Variants in NRDE2 observed in about 807,000 individuals in gnomAD.
The protein encoded by NRDE2 is NRDE-2, necessary for RNA interference, domain containing.
In NRDE2, 76 loss-of-function variants were observed where a neutral mutation model predicts 124.2. The ratio of observed to expected loss-of-function variants is 0.61; its 90% CI spans 0.51 to 0.74. The LOEUF (loss-of-function observed/expected upper bound fraction) is 0.74, where lower values mean the gene tolerates loss of function less well. Ranked by LOEUF, NRDE2 falls within the 30% of genes least tolerant of loss-of-function variation. The probability of loss-of-function intolerance (pLI) is 0.00; values close to 1 mark genes in which losing one functional copy is unlikely to be tolerated. For synonymous variants in NRDE2, 489 were observed against 528.1 expected (o/e 0.93, Z 1.01); for missense variants, 1,314 against 1,417.3 (o/e 0.93, Z 1.17).
At chr14:90,311,103 G>A (rs1884820608) in intron 4 of NRDE2, among the ~76,000 whole-genome samples, 1 of 152,104 alleles carries the variant, frequency 6.6e-6, no homozygotes, top group African/African-American at 2.4e-5. Flanking sequence ...TGGAGATACA[G>A]CAAAGTAATG....
rs1384152015 is a variant in NRDE2, at chr14:90,270,195, C to T, written c.*8141G>A. The T allele has an allele frequency of 3.0e-5, 48 of 1,613,338 alleles. 1 individual carries two copies. The highest frequency in any genetic ancestry group is 2.4e-4 in the African/African-American group (18 of 74,872). On this transcript the variant is annotated 3_prime_UTR_variant, in exon 14 of 14. Coordinates refer to ENST00000354366, the MANE Select transcript of NRDE2 (RefSeq NM_017970.4). ...GTGACTTCAAATCTCTTTGTACCTG[C>T]AGGCCGCATTGACAGGAAGATTGAG...
At chr14:90,293,629 C>T (rs1445571684) in intron 8 of NRDE2, among the ~76,000 whole-genome samples, 1 of 152,204 alleles carries the variant, frequency 6.6e-6, no homozygotes, top group African/African-American at 2.4e-5. Flanking sequence ...TTTTAGAATG[C>T]TAAATGACAT....
chr14:90,286,524 C>G, intron 11 of NRDE2, 32 bp from the exon 12 acceptor site: 1 of 1,603,456 alleles, frequency 6.2e-7, no homozygotes, highest in Non-Finnish European at 8.5e-7. Flanking sequence ...GACTCTGACA[C>G]AAGCTCTCTC....
chr14:90,331,846 C>G lies in NRDE2; in HGVS notation c.59G>C (p.Arg20Thr), dbSNP rs1885718327. ...CGGCTCGTTTGTGTGCTTACCTTTC[C>G]TGGAGCTCCCGCCATCGGGAGCCTC... ...LSEAPDGGSS[R>T]KELDWLSNPS... is the part of the protein sequence containing the mutation. Residue 20 changes from arginine (R) to threonine (T), a missense_variant, in exon 1 of 14, where the codon AGG becomes ACG. Arg to Thr is a moderately conservative substitution (Grantham distance 71). Transcript: ENST00000354366. The G allele has an allele frequency of 1.9e-6, 3 of 1,614,128 alleles. No homozygotes were observed. Among genetic ancestry groups the G allele is most frequent in the Middle Eastern group, 1.6e-4 (1 of 6,062 alleles).
intron 13 of NRDE2, 23 bp from the exon 14 acceptor site, chr14:90,278,484 G>A (rs760491210): frequency 2.6e-5 from 42 of 1,609,862 alleles, no homozygotes; most frequent in Middle Eastern, 1.6e-4. Flanking sequence ...CAGGAAGGCC[G>A]CCCCACTCAG....
At chr14:90,327,843 C>G (rs1885499176) in intron 1 of NRDE2, among the ~76,000 whole-genome samples, 1 of 152,004 alleles carries the variant, frequency 6.6e-6, no homozygotes, top group South Asian at 2.1e-4. Context: ...AGTAAAAATA[C>G]AAAAATTAGC....
At chr14:90,309,351 T>C (rs942800651) in intron 4 of NRDE2, among the ~76,000 whole-genome samples, 1 of 151,354 alleles carries the variant, frequency 6.6e-6, no homozygotes, top group Non-Finnish European at 1.5e-5. Context: ...CACTCGCCTG[T>C]AGTCCCAGCT....
intron 11 of NRDE2, among the ~76,000 whole-genome samples, chr14:90,287,792 T>C (rs1267058182): frequency 6.6e-6 from 1 of 152,092 alleles, no homozygotes; most frequent in Non-Finnish European, 1.5e-5. Flanking sequence ...CATTCCCATT[T>C]GACAGAGAGG....
rs1884887822 is a variant in NRDE2, at chr14:90,312,621, T to C, written c.408-78A>G. 2.1e-6 allele frequency: 3 copies of C among 1,437,156 alleles called. 1 individual carries two copies. The highest frequency in any genetic ancestry group is 4.5e-5 in the East Asian group (2 of 44,050). 89.0% of individuals were successfully genotyped at this position (1,437,156 alleles called of 1,614,324 possible). On this transcript the variant is annotated intron_variant, in intron 3 of 13. Transcript: ENST00000354366. The stretch of plus-strand genomic sequence containing the variant: ...GTGACGCAGGTGGCATTTTCAGCAA[T>C]ATGAGAGTTAAACACTTCAAACTCC...
chr14:90,272,302 C>T lies in NRDE2; in HGVS notation c.*6034G>A, dbSNP rs1453704697. The T allele has an allele frequency of 6.2e-7, 1 of 1,603,760 alleles. No individual in the cohort carries two copies. Among genetic ancestry groups the T allele is most frequent in the Non-Finnish European group, 8.5e-7 (1 of 1,178,134 alleles). On this transcript the variant is annotated 3_prime_UTR_variant, in exon 14 of 14. Coordinates refer to ENST00000354366, the MANE Select transcript of NRDE2 (RefSeq NM_017970.4). This position sits in a 1 kb window ranked among gnomAD's most constrained non-coding sequence, Gnocchi z 4.5. ...TCTGTACAGAAGCTGGTCTGATGGCCTTAAGAGAACGTAGAATGAAAGTAA... is the reference window on the plus strand; with the variant it reads ...TCTGTACAGAAGCTGGTCTGATGGCTTTAAGAGAACGTAGAATGAAAGTAA...
At position 90,268,511 on chromosome 14, in the gene NRDE2, A is replaced by T; in HGVS notation, c.*9825T>A. The T allele has an allele frequency of 8.1e-7, 1 of 1,238,706 alleles. No individual in the cohort carries two copies. Among genetic ancestry groups the T allele is most frequent in the Non-Finnish European group, 1.2e-6 (1 of 866,740 alleles). 76.7% of individuals were successfully genotyped at this position (1,238,706 alleles called of 1,614,324 possible). A position where few individuals can be genotyped will look rare whatever the true frequency, so the allele number is the denominator to read the frequency against. On this transcript the variant is annotated 3_prime_UTR_variant, in exon 14 of 14. Transcript: ENST00000354366. ...ATCTCAGGGGGCTCTCCCTATGGCC[A>T]CAGTTCTTGCTGTGCGTGGCCTTCC...
At chr14:90,279,576 A>G (rs1052957546) in intron 12 of NRDE2, 13 of 155,482 alleles carry the variant, frequency 8.4e-5, no homozygotes, top group South Asian at 4.0e-4. Flanking sequence ...TCTGAAAACT[A>G]TCTTTTAGAG....
intron 1 of NRDE2, among the ~76,000 whole-genome samples, chr14:90,322,199 G>C (rs529099461): frequency 6.6e-6 from 1 of 152,122 alleles, no homozygotes; most frequent in South Asian, 2.1e-4. Context: ...CTAAGCCAAG[G>C]GTCAAAAACT....
At position 90,303,104 on chromosome 14, in the gene NRDE2, CAG is replaced by C; in HGVS notation, c.1025_1026del (p.Pro342ArgfsTer33). 1 of 1,613,474 alleles carries C rather than the reference CAG, an allele frequency of 6.2e-7. No individual in the cohort carries two copies. The highest frequency in any genetic ancestry group is 8.5e-7 in the Non-Finnish European group (1 of 1,179,758). Reference protein sequence around the residue: ...VAFQDEVMKSPGLYAIEEGEQ... With the variant: ...VAFQDEVMKSXGLYAIEEGEQ... ...TCTCCTTCCTCGATGGCATACAGGC[CAG>C]GACTTTTCATGACCTCGTCCTCAAC... On this transcript the variant is annotated frameshift_variant, in exon 6 of 14. Transcript: ENST00000354366. LOFTEE classifies it high-confidence loss of function.
intron 6 of NRDE2, among the ~76,000 whole-genome samples, chr14:90,302,437 C>T (rs1374978124): frequency 6.6e-6 from 1 of 152,288 alleles, no homozygotes; most frequent in Non-Finnish European, 1.5e-5. Flanking sequence ...ATAAGGCCAC[C>T]GACTGCCAAA....
chr14:90,286,921 C>T (rs1360597561), intron 11 of NRDE2, among the ~76,000 whole-genome samples: 1 of 150,774 alleles, frequency 6.6e-6, no homozygotes, highest in African/African-American at 2.4e-5. Context: ...GTAGTCCCAG[C>T]TACTCGGGAG....
intron 6 of NRDE2, 58 bp from the exon 7 acceptor site, chr14:90,301,430 C>T: frequency 6.4e-7 from 1 of 1,559,012 alleles, no homozygotes; most frequent in Non-Finnish European, 8.8e-7. Context: ...AGGGAAAGAA[C>T]CTAACTTCTC....
chr14:90,286,442 T>C lies in NRDE2; in HGVS notation c.3209A>G (p.His1070Arg). 1.2e-6 allele frequency: 2 copies of C among 1,614,206 alleles called. No homozygotes were observed. Among genetic ancestry groups the C allele is most frequent in the Non-Finnish European group, 1.7e-6 (2 of 1,180,016 alleles). Residue 1070 changes from histidine (H) to arginine (R), a missense_variant, in exon 12 of 14, where the codon CAT (histidine) becomes CGT (arginine). Transcript: ENST00000354366. Reference protein sequence around the residue: ...HATIPETGLMHRIQALFENAM... With the variant: ...HATIPETGLMRRIQALFENAM... ...ATTTTCAAACAGGGCTTGGATCCGA[T>C]GCATTAAGCCGGTCTCAGGAATTGT...
chr14:90,319,775 T>C (rs1885176951), intron 1 of NRDE2, among the ~76,000 whole-genome samples: 1 of 152,252 alleles, frequency 6.6e-6, no homozygotes, highest in Non-Finnish European at 1.5e-5. Flanking sequence ...ATATGAATAC[T>C]ACTACTCTGA....
Sources: allele counts gnomAD v4.1 joint callset (sites outside exome capture counted in the v4.1 genomes callset), GRCh38; gene constraint gnomAD v4.1.1; non-coding constraint Gnocchi (gnomAD v3.1); transcripts MANE v1.5; gene names NCBI Gene and HGNC (gene_info 2026-07-23, HGNC 2026-07-21).